Variants in FAM107B observed in about 807,000 individuals in gnomAD.
FAM107B encodes the protein protein FAM107B.
A neutral mutation model predicts 31.5 loss-of-function variants in FAM107B; 21 were observed. The ratio of observed to expected loss-of-function variants is 0.67; its 90% CI spans 0.47 to 0.96. The LOEUF (loss-of-function observed/expected upper bound fraction) is 0.96. FAM107B is among the 40% of genes least tolerant of loss of function. FAM107B has a pLI of 0.00. For synonymous variants in FAM107B, 157 were observed against 141.5 expected (o/e 1.11, Z -0.78); for missense variants, 452 against 377.1 (o/e 1.20, Z -1.64).
At chr10:14,594,885 CTTT>C (rs35496378) in intron 2 of FAM107B, among the ~76,000 whole-genome samples, 2 of 152,112 alleles carry the variant, frequency 1.3e-5, no homozygotes, top group Admixed American at 6.5e-5. Flanking sequence ...CTCAGTGGAC[CTTT>C]TTCTCATCAG....
chr10:14,532,769 C>T (rs1847156091), intron 2 of FAM107B: 1 of 152,288 alleles, frequency 6.6e-6, no homozygotes, highest in African/African-American at 2.4e-5. Context: ...AGGCTACACA[C>T]TTCCATAAAA....
At chr10:14,761,140 T>C (rs1337211041) in intron 1 of FAM107B, among the ~76,000 whole-genome samples, 1 of 152,182 alleles carries the variant, frequency 6.6e-6, no homozygotes, top group African/African-American at 2.4e-5. Context: ...TTATTTCTTT[T>C]GTGCTTACTC....
At chr10:14,604,936 A>G (rs920687692) in intron 2 of FAM107B, among the ~76,000 whole-genome samples, 1 of 150,170 alleles carries the variant, frequency 6.7e-6, no homozygotes, top group African/African-American at 2.5e-5. Context: ...GCTCACCCCC[A>G]TCTCTCTCTC....
In FAM107B at chr10:14,520,829, G is replaced by C. The variant is rs1336305121; in HGVS notation, c.*361C>G. On this transcript the variant is annotated 3_prime_UTR_variant, in exon 5 of 5. Coordinates refer to ENST00000181796, the MANE Select transcript of FAM107B (RefSeq NM_031453.4). Reference sequence around the variant, plus strand: ...AGCTTTTAAAAGAAAAAAGGCTCTGGGTCCCACGAAACTTGGAATGGAAGA... The same window carrying C: ...AGCTTTTAAAAGAAAAAAGGCTCTGCGTCCCACGAAACTTGGAATGGAAGA... 1 of 198,986 alleles carries C rather than the reference G, an allele frequency of 5.0e-6. No individual in the cohort carries two copies. Among genetic ancestry groups the C allele is most frequent in the Non-Finnish European group, 1.0e-5 (1 of 99,880 alleles). The allele number at this position is 198,986 out of a possible 1,614,324, so 12.3% of individuals were successfully genotyped here. A position where few individuals can be genotyped will look rare whatever the true frequency, so the allele number is the denominator to read the frequency against.
chr10:14,702,478 C>T (rs1203028627), intron 1 of FAM107B, among the ~76,000 whole-genome samples: 1 of 152,168 alleles, frequency 6.6e-6, no homozygotes. Flanking sequence ...CCCTGAGTAG[C>T]TGAGATTACA....
At chr10:14,551,189 T>C (rs1005944480) in intron 2 of FAM107B, among the ~76,000 whole-genome samples, 1 of 152,156 alleles carries the variant, frequency 6.6e-6, no homozygotes, top group Non-Finnish European at 1.5e-5. Context: ...TTTTGTTTTG[T>C]TTTGTTTTGT....
At chr10:14,609,940 T>G (rs1852685966) in intron 2 of FAM107B, among the ~76,000 whole-genome samples, 1 of 152,208 alleles carries the variant, frequency 6.6e-6, no homozygotes, top group Non-Finnish European at 1.5e-5. Context: ...GGAATTCTTA[T>G]TGAGTAATAA....
intron 1 of FAM107B, among the ~76,000 whole-genome samples, chr10:14,732,803 T>C (rs1350457383): frequency 6.8e-6 from 1 of 147,308 alleles, no homozygotes; most frequent in South Asian, 2.1e-4. Context: ...ATAGAATACA[T>C]TATAATTATA....
chr10:14,631,691 A>C (rs1448446343), intron 2 of FAM107B, among the ~76,000 whole-genome samples: 1 of 151,978 alleles, frequency 6.6e-6, no homozygotes, highest in African/African-American at 2.4e-5. Flanking sequence ...CTGGGTCCCC[A>C]CCCCGGCAAC....
At chr10:14,721,366 T>C (rs1723715464) in intron 1 of FAM107B, among the ~76,000 whole-genome samples, 2 of 152,228 alleles carry the variant, frequency 1.3e-5, no homozygotes, top group Admixed American at 6.5e-5. Context: ...TACCCAGTAA[T>C]GGGATGGCTG....
intron 2 of FAM107B, chr10:14,554,008 G>T: frequency 2.9e-6 from 2 of 682,982 alleles, no homozygotes; most frequent in Non-Finnish European, 3.6e-6. Flanking sequence ...TCACCTCCCA[G>T]GCTTGCTGCA....
intron 2 of FAM107B, among the ~76,000 whole-genome samples, chr10:14,577,500 T>TA (rs985866517): frequency 4.6e-5 from 7 of 151,626 alleles, no homozygotes; most frequent in East Asian, 3.9e-4. Flanking sequence ...TACGAAGAAA[T>TA]AAAAAAAAAT....
chr10:14,665,354 G>A (rs1249238211), intron 2 of FAM107B, among the ~76,000 whole-genome samples: 3 of 152,128 alleles, frequency 2.0e-5, no homozygotes, highest in African/African-American at 7.2e-5. Flanking sequence ...TTCAGAATGG[G>A]ATGTCTAATT....
At chr10:14,562,911 A>G (rs539080549) in intron 2 of FAM107B, among the ~76,000 whole-genome samples, 11 of 152,374 alleles carry the variant, frequency 7.2e-5, no homozygotes, top group African/African-American at 2.6e-4. Context: ...TTTCACTTAG[A>G]TAAGAAATAG....
chr10:14,634,240 C>T (rs1476839306), intron 2 of FAM107B, among the ~76,000 whole-genome samples: 1 of 148,148 alleles, frequency 6.8e-6, no homozygotes, highest in East Asian at 2.0e-4. Flanking sequence ...ACTAAAATTA[C>T]AAAAAAAAAA....
rs1377703963 is a variant in FAM107B at position 14,518,755 on chromosome 10, T to C, written c.*2435A>G. ...TCAAACAAGTCAAGATTTTTCAGAG[T>C]AGAAGAATAAAGTCGACTGTTATAG... On this transcript the variant is annotated 3_prime_UTR_variant, in exon 5 of 5. Coordinates refer to ENST00000181796, the MANE Select transcript of FAM107B (RefSeq NM_031453.4). 5 of 152,538 alleles carry C rather than the reference T, an allele frequency of 3.3e-5. No individual in the cohort carries two copies. The highest frequency in any genetic ancestry group is 5.9e-5 in the Non-Finnish European group (4 of 68,020). 9.4% of individuals were successfully genotyped at this position (152,538 alleles called of 1,614,324 possible).
intron 1 of FAM107B, among the ~76,000 whole-genome samples, chr10:14,696,288 A>C (rs1855263617): frequency 6.6e-6 from 1 of 152,222 alleles, no homozygotes; most frequent in Non-Finnish European, 1.5e-5. Context: ...GATGTATTAC[A>C]TGGATTGATT....
At chr10:14,639,263 C>G (rs534310198) in intron 2 of FAM107B, among the ~76,000 whole-genome samples, 2 of 152,264 alleles carry the variant, frequency 1.3e-5, no homozygotes, top group African/African-American at 4.8e-5. Context: ...CTCCAGGCAG[C>G]TTTCTCTGAC....
At chr10:14,646,222 C>T (rs1475988417) in intron 2 of FAM107B, among the ~76,000 whole-genome samples, 1 of 152,120 alleles carries the variant, frequency 6.6e-6, no homozygotes, top group Non-Finnish European at 1.5e-5. Flanking sequence ...GAGGTACAAG[C>T]GGTTTTTGGT....
Sources: gnomAD v4.1 joint callset for allele counts (sites outside exome capture counted in the v4.1 genomes callset) on GRCh38, gnomAD v4.1.1 for gene constraint, MANE v1.5 for transcripts, NCBI Gene and HGNC (gene_info 2026-07-23, HGNC 2026-07-21) for gene names.